The following GLT1D1 variants were observed in gnomAD, a reference collection of about 807,000 sequenced individuals.
The protein encoded by GLT1D1 is glycosyltransferase 1 domain containing 1, also known as glycosyltransferase 1 domain-containing protein 1.
In GLT1D1, 21 loss-of-function variants were observed where a neutral mutation model predicts 28.7. That is an observed-to-expected ratio of 0.73 (90% confidence interval 0.52 to 1.05). GLT1D1 has a LOEUF of 1.05. Ranked by LOEUF, GLT1D1 falls within the 50% of genes least tolerant of loss-of-function variation. GLT1D1 has a pLI of 0.00. For synonymous variants in GLT1D1, 147 were observed against 124.8 expected (o/e 1.18, Z -1.19); for missense variants, 343 against 330.6 (o/e 1.04, Z -0.29).
intron 6 of GLT1D1, among the ~76,000 whole-genome samples, chr12:128,954,205 G>A (rs936061773): frequency 2.0e-5 from 3 of 150,998 alleles, no homozygotes; most frequent in African/African-American, 7.3e-5. Flanking sequence ...CTCACTGCAA[G>A]CTCCACCTCC....
At chr12:128,906,827 C>A in intron 4 of GLT1D1, 3 of 659,310 alleles carry the variant, frequency 4.6e-6, no homozygotes, top group Non-Finnish European at 5.5e-6. Context: ...CTTCAAGTTG[C>A]TGTGTTAGGC....
chr12:128,888,396 A>G (rs974234892), intron 2 of GLT1D1, among the ~76,000 whole-genome samples: 1 of 152,228 alleles, frequency 6.6e-6, no homozygotes, highest in Non-Finnish European at 1.5e-5. Flanking sequence ...AAAGTTTAAA[A>G]TGAATTAATT....
chr12:128,859,991 G>A (rs765702595), intron 1 of GLT1D1, among the ~76,000 whole-genome samples: 5 of 152,162 alleles, frequency 3.3e-5, no homozygotes, highest in Admixed American at 6.5e-5. Context: ...TGTGTGTCAC[G>A]TTAAATATTC....
intron 4 of GLT1D1, among the ~76,000 whole-genome samples, chr12:128,921,576 A>G (rs983141857): frequency 9.2e-5 from 14 of 152,010 alleles, no homozygotes; most frequent in African/African-American, 3.4e-4. Context: ...ACCGTATGTC[A>G]TAGTCAAAAA....
At chr12:128,944,905 G>T in intron 4 of GLT1D1, 2 of 449,816 alleles carry the variant, frequency 4.4e-6, no homozygotes, top group Non-Finnish European at 8.0e-6. Flanking sequence ...CCATCAACTC[G>T]TCATTTACAT....
intron 4 of GLT1D1, among the ~76,000 whole-genome samples, chr12:128,921,270 T>A (rs1168483877): frequency 1.3e-5 from 2 of 152,062 alleles, no homozygotes; most frequent in Non-Finnish European, 2.9e-5. Flanking sequence ...TTTCCTATAT[T>A]CCCATTACAC....
chr12:128,902,389 G>T (rs1462184915), intron 4 of GLT1D1, among the ~76,000 whole-genome samples: 1 of 151,028 alleles, frequency 6.6e-6, no homozygotes, highest in Non-Finnish European at 1.5e-5. Flanking sequence ...GGAGGCTGAG[G>T]CAGGAGAATC....
intron 4 of GLT1D1, among the ~76,000 whole-genome samples, chr12:128,905,219 A>T (rs978867401): frequency 2.0e-5 from 3 of 152,208 alleles, no homozygotes; most frequent in Admixed American, 2.0e-4. Context: ...GTTACTAGTG[A>T]CATCATATTT....
intron 2 of GLT1D1, among the ~76,000 whole-genome samples, chr12:128,888,078 C>T (rs928477840): frequency 1.7e-4 from 26 of 152,242 alleles, no homozygotes; most frequent in Admixed American, 1.3e-3. Flanking sequence ...TTTGCAAATT[C>T]TTTCCCACTT....
chr12:128,859,030 T>C (rs960193412), intron 1 of GLT1D1, among the ~76,000 whole-genome samples: 1 of 152,166 alleles, frequency 6.6e-6, no homozygotes, highest in African/African-American at 2.4e-5. Context: ...ATTTCTTAAA[T>C]GTATTTGATT....
chr12:128,887,290 T>C, intron 2 of GLT1D1, among the ~76,000 whole-genome samples: 1 of 152,134 alleles, frequency 6.6e-6, no homozygotes, highest in East Asian at 1.9e-4. Flanking sequence ...GTGCTGGCAT[T>C]ACAGGTGTGA....
intron 4 of GLT1D1, chr12:128,944,235 C>G (rs1422795218): frequency 5.8e-6 from 3 of 514,552 alleles, no homozygotes; most frequent in Non-Finnish European, 1.1e-5. Flanking sequence ...GAGGTTTGCC[C>G]ATCTTACTAC....
intron 4 of GLT1D1, among the ~76,000 whole-genome samples, chr12:128,913,595 G>A (rs1297462004): frequency 6.6e-6 from 1 of 152,222 alleles, no homozygotes; most frequent in African/African-American, 2.4e-5. Context: ...GGAAGAACAT[G>A]TAATTGGCCC....
chr12:128,874,098 TTCTCTCTCTCTCTCTCTCTCTCTCTC>T (rs1263001892), intron 1 of GLT1D1, among the ~76,000 whole-genome samples: 47 of 33,042 alleles, frequency 1.4e-3, no homozygotes, highest in African/African-American at 3.1e-3. Flanking sequence ...CTTTCTTTCT[TTCTCTCTCTCTCTCTCTCTCTCTCTC>T]TCTTTCTTTC....
chr12:128,957,398 G>A, intron 6 of GLT1D1, 147 bp from the exon 11 acceptor site: 1 of 582,330 alleles, frequency 1.7e-6, no homozygotes, highest in Admixed American at 3.0e-5. Flanking sequence ...TGTTGAGATT[G>A]GGATATCGTT....
chr12:128,858,177 G>T (rs933447865), intron 1 of GLT1D1, among the ~76,000 whole-genome samples: 2 of 152,308 alleles, frequency 1.3e-5, no homozygotes, highest in Admixed American at 1.3e-4. Flanking sequence ...GGGTCTGGGA[G>T]TCATGCCCTA....
intron 4 of GLT1D1, among the ~76,000 whole-genome samples, chr12:128,914,725 C>G (rs1016617199): frequency 1.3e-5 from 2 of 152,050 alleles, no homozygotes; most frequent in Non-Finnish European, 2.9e-5. Flanking sequence ...GAGGCTGAGG[C>G]AGGAGAATCG....
chr12:128,853,510 C>A lies in GLT1D1; in HGVS notation c.-72C>A, dbSNP rs1471206668. On this transcript the variant is annotated 5_prime_UTR_variant, in exon 1 of 8. Transcript: ENST00000281703. Reference sequence around the variant, plus strand: ...CAGCCGCCCCGGCTCCCCCGCCGTCCGCGTCTGCGCCGGCCCCGGGGCCTG... The same window carrying A: ...CAGCCGCCCCGGCTCCCCCGCCGTCAGCGTCTGCGCCGGCCCCGGGGCCTG... 4 of 998,572 alleles carry A rather than the reference C, an allele frequency of 4.0e-6. No homozygotes were observed. The African/African-American group carries it at 7.0e-5, about 17-fold the overall frequency. 61.9% of individuals were successfully genotyped at this position (998,572 alleles called of 1,614,324 possible).
At chr12:128,945,511 C>G (rs1041113060) in intron 5 of GLT1D1, 142 bp downstream of exon 9, 8 of 742,450 alleles carry the variant, frequency 1.1e-5, no homozygotes, top group African/African-American at 1.0e-4. Flanking sequence ...CCGGCGAGCC[C>G]GTGGCATCCT....
Sources: gnomAD v4.1 joint callset for allele counts (sites outside exome capture counted in the v4.1 genomes callset) on GRCh38, gnomAD v4.1.1 for gene constraint, MANE v1.5 for transcripts, NCBI Gene and HGNC (gene_info 2026-07-23, HGNC 2026-07-21) for gene names.